Variants in CPQ observed in about 807,000 individuals in gnomAD.
CPQ encodes Ser-Met dipeptidase.
In CPQ, 37 loss-of-function variants were observed where a neutral mutation model predicts 45.7. That is an observed-to-expected ratio of 0.81 (90% CI 0.62 to 1.07). The LOEUF (loss-of-function observed/expected upper bound fraction) is 1.07, where lower values mean the gene tolerates loss of function less well. Among genes scored for constraint, CPQ ranks in the 50% least tolerant of loss-of-function variants. CPQ has a pLI of 0.00. For synonymous variants in CPQ, 186 were observed against 205.8 expected, an observed-to-expected ratio of 0.90 and a Z score of 0.82; for missense variants, 537 against 572.9, an observed-to-expected ratio of 0.94 and a Z score of 0.64.
intron 7 of CPQ, among the ~76,000 whole-genome samples, chr8:97,127,887 C>G (rs1811873727): frequency 6.6e-6 from 1 of 152,066 alleles, no homozygotes; most frequent in South Asian, 2.1e-4. Context: ...GAAAGGCAAG[C>G]CTAATCAATA....
At chr8:96,797,078 C>G (rs1810940104) in intron 2 of CPQ, among the ~76,000 whole-genome samples, 1 of 152,154 alleles carries the variant, frequency 6.6e-6, no homozygotes, top group Admixed American at 6.6e-5. Context: ...GTTGCCTTTC[C>G]TAGATTAAGC....
At chr8:97,008,352 A>G (rs1809425205) in intron 5 of CPQ, among the ~76,000 whole-genome samples, 1 of 152,210 alleles carries the variant, frequency 6.6e-6, no homozygotes. Context: ...ATGCCTGGAC[A>G]TTTTAGGATG....
At chr8:97,026,435 T>G (rs1809799592) in intron 5 of CPQ, among the ~76,000 whole-genome samples, 1 of 152,192 alleles carries the variant, frequency 6.6e-6, no homozygotes, top group African/African-American at 2.4e-5. Flanking sequence ...TGCCTTTCTG[T>G]ACCCTACACC....
rs1016518005 is a variant in CPQ, at chr8:96,912,009, T to C, written c.849+32004T>C. 3.5e-4 allele frequency among the ~76,000 whole-genome samples: 54 copies of C among 152,180 alleles called. 2 individuals are homozygous for C. The highest frequency in any genetic ancestry group is 3.5e-3 in the Admixed American group (54 of 15,270). ...CCCATCTGTAAAGTGATGATAACGGTGCCCACCCATTAGCTGGTGCTGTGA... is the reference window on the plus strand; with the variant it reads ...CCCATCTGTAAAGTGATGATAACGGCGCCCACCCATTAGCTGGTGCTGTGA... On this transcript the variant is annotated intron_variant, in intron 4 of 7. Transcript: ENST00000220763.
intron 1 of CPQ, among the ~76,000 whole-genome samples, chr8:96,730,125 A>G (rs1809891373): frequency 6.6e-6 from 1 of 152,246 alleles, no homozygotes; most frequent in Non-Finnish European, 1.5e-5. Context: ...GCTGACAGAC[A>G]CAAACTCATG....
chr8:96,835,262 C>T (rs1216289741), intron 3 of CPQ, 82 bp downstream of exon 3: 14 of 1,099,592 alleles, frequency 1.3e-5, no homozygotes, highest in Non-Finnish European at 1.7e-5. Context: ...TAAAAACAAA[C>T]CATTCAAATG....
chr8:96,905,250 AG>A (rs1812561147), intron 4 of CPQ, among the ~76,000 whole-genome samples: 1 of 152,116 alleles, frequency 6.6e-6, no homozygotes, highest in Admixed American at 6.5e-5. Context: ...GAGAATAACA[AG>A]GGAGAAATCC....
At chr8:96,670,198 G>A (rs924301170) in intron 1 of CPQ, among the ~76,000 whole-genome samples, 44 of 152,058 alleles carry the variant, frequency 2.9e-4, no homozygotes, top group African/African-American at 1.0e-3. Context: ...TATCAAAACC[G>A]TGGCACTAAA....
At chr8:96,854,503 C>G (rs1465107597) in intron 3 of CPQ, among the ~76,000 whole-genome samples, 2 of 98,616 alleles carry the variant, frequency 2.0e-5, no homozygotes, top group African/African-American at 8.4e-5. Flanking sequence ...TGCACTCCAG[C>G]CTGGGCGACA....
intron 5 of CPQ, among the ~76,000 whole-genome samples, chr8:97,022,561 G>T (rs1459438184): frequency 6.6e-6 from 1 of 151,884 alleles, no homozygotes; most frequent in Non-Finnish European, 1.5e-5. Context: ...ATCAAAAAGT[G>T]GGCTAAAGAC....
At chr8:97,063,336 T>C (rs760064242) in intron 6 of CPQ, among the ~76,000 whole-genome samples, 1 of 152,196 alleles carries the variant, frequency 6.6e-6, no homozygotes, top group East Asian at 1.9e-4. Flanking sequence ...TGTTTTTCTC[T>C]TGTAAATTTG....
intron 1 of CPQ, among the ~76,000 whole-genome samples, chr8:96,740,058 G>A (rs1210059006): frequency 6.6e-6 from 1 of 151,914 alleles, no homozygotes; most frequent in Non-Finnish European, 1.5e-5. Context: ...TGGGCAGTAT[G>A]GCCATTTTCA....
intron 7 of CPQ, among the ~76,000 whole-genome samples, chr8:97,132,412 A>G (rs1370424283): frequency 6.6e-6 from 1 of 152,226 alleles, no homozygotes; most frequent in Admixed American, 6.5e-5. Context: ...TTGGTCAGAA[A>G]CAGCATTTTC....
At position 96,854,530 on chromosome 8, in the gene CPQ, CAAAAAAAAAAAA is replaced by C. The variant is rs1156706371; in HGVS notation, c.641+19368_641+19379del. Among the ~76,000 whole-genome samples the C allele has an allele frequency of 3.2e-3, 28 of 8,692 alleles. 2 individuals are homozygous for C. The highest frequency in any genetic ancestry group is 8.4e-3 in the Non-Finnish European group (21 of 2,500). 5.7% of individuals were successfully genotyped at this position (8,692 alleles called of 152,430 possible). A position where few individuals can be genotyped will look rare whatever the true frequency, so the allele number is the denominator to read the frequency against. On this transcript the variant is annotated intron_variant, in intron 3 of 7. Coordinates refer to ENST00000220763, the MANE Select transcript of CPQ (RefSeq NM_016134.4). ...TGGGCGACAGAGCGAGACTCCGTCT[CAAAAAAAAAAAA>C]AAAAAAAAAAAAAAAAATGTGGTGG...
At chr8:96,777,009 A>G (rs1024863109) in intron 1 of CPQ, among the ~76,000 whole-genome samples, 26 of 152,190 alleles carry the variant, frequency 1.7e-4, no homozygotes, top group African/African-American at 6.0e-4. Context: ...AATGTTGTGT[A>G]GTTTAAGTTT....
chr8:96,767,679 C>T (rs573689280), intron 1 of CPQ, among the ~76,000 whole-genome samples: 8 of 127,234 alleles, frequency 6.3e-5, no homozygotes, highest in Middle Eastern at 6.0e-3. Context: ...ACTCTCACTC[C>T]GTTGCCCAGG....
At chr8:96,837,475 C>T (rs572989120) in intron 3 of CPQ, among the ~76,000 whole-genome samples, 1 of 152,290 alleles carries the variant, frequency 6.6e-6, no homozygotes, top group East Asian at 1.9e-4. Flanking sequence ...CTTTGGCTTC[C>T]ATGACTTCTT....
chr8:96,879,208 A>G (rs1183414075), intron 3 of CPQ, among the ~76,000 whole-genome samples: 1 of 152,190 alleles, frequency 6.6e-6, no homozygotes, highest in East Asian at 1.9e-4. Context: ...CTCTTGTGGC[A>G]GTAAAATTAA....
intron 1 of CPQ, among the ~76,000 whole-genome samples, chr8:96,667,351 C>CTTTTTTTT (rs376559950): frequency 7.4e-6 from 1 of 135,010 alleles, no homozygotes; most frequent in Non-Finnish European, 1.6e-5. Context: ...TTATCTTTTT[C>CTTTTTTTT]TTTTTTTTTT....
Sources: gnomAD v4.1 joint callset for allele counts (sites outside exome capture counted in the v4.1 genomes callset) on GRCh38, gnomAD v4.1.1 for gene constraint, MANE v1.5 for transcripts, NCBI Gene and HGNC (gene_info 2026-07-23, HGNC 2026-07-21) for gene names.